Variants in AGBL4 observed in about 807,000 individuals in gnomAD.
AGBL4 encodes the protein cytosolic carboxypeptidase 6.
A neutral mutation model predicts 66.4 loss-of-function variants in AGBL4; 58 were observed. The ratio of observed to expected loss-of-function variants is 0.87; its 90% CI spans 0.71 to 1.09. The LOEUF is 1.09. Among genes scored for constraint, AGBL4 ranks in the 50% least tolerant of loss-of-function variants. The pLI is 0.00. For synonymous variants in AGBL4, 234 were observed against 222.9 expected, an observed-to-expected ratio of 1.05 and a Z score of -0.44; for missense variants, 579 against 631.0, an observed-to-expected ratio of 0.92 and a Z score of 0.88.
intron 2 of AGBL4, among the ~76,000 whole-genome samples, chr1:49,824,659 A>G (rs1188320954): frequency 6.6e-6 from 1 of 152,240 alleles, no homozygotes; most frequent in Non-Finnish European, 1.5e-5. Flanking sequence ...AAGCCAGAGA[A>G]AGAAGGGTAG....
intron 3 of AGBL4, among the ~76,000 whole-genome samples, chr1:49,688,044 A>T (rs1646818952): frequency 1.3e-5 from 2 of 152,204 alleles, no homozygotes; most frequent in Non-Finnish European, 2.9e-5. Context: ...GCATCCCTCA[A>T]GCATTTATCC....
chr1:48,539,831 C>T (rs1644035588), intron 11 of AGBL4, 93 bp from the exon 12 acceptor site: 1 of 792,750 alleles, frequency 1.3e-6, no homozygotes, highest in Non-Finnish European at 1.8e-6. Flanking sequence ...GTAATAAAAA[C>T]AGTTACACAC....
intron 5 of AGBL4, among the ~76,000 whole-genome samples, chr1:48,931,421 T>C (rs1025646227): frequency 2.0e-5 from 3 of 152,206 alleles, no homozygotes; most frequent in Non-Finnish European, 2.9e-5. Context: ...TGTTCAAATG[T>C]GACCTACTTA....
intron 11 of AGBL4, among the ~76,000 whole-genome samples, chr1:48,552,768 C>G (rs900259963): frequency 2.0e-5 from 3 of 151,984 alleles, no homozygotes; most frequent in Non-Finnish European, 4.4e-5. Context: ...GAGAGGTGGG[C>G]AGGATCTTGA....
intron 3 of AGBL4, among the ~76,000 whole-genome samples, chr1:49,353,576 A>C (rs1643954437): frequency 6.6e-6 from 1 of 152,160 alleles, no homozygotes; most frequent in South Asian, 2.1e-4. Flanking sequence ...TACTGGGTAG[A>C]AGAGGGCAGT....
intron 3 of AGBL4, among the ~76,000 whole-genome samples, chr1:49,696,039 CAGGAGAAGCTAAACTCCCT>C (rs1212781607): frequency 3.3e-5 from 5 of 152,040 alleles, no homozygotes; most frequent in African/African-American, 7.2e-5. Flanking sequence ...TAGATTGACT[CAGGAGAAGCTAAACTCCCT>C]AGGAGAAGCT....
At chr1:49,730,799 CATCAT>C (rs1424782790) in intron 2 of AGBL4, among the ~76,000 whole-genome samples, 1 of 152,214 alleles carries the variant, frequency 6.6e-6, no homozygotes, top group African/African-American at 2.4e-5. Flanking sequence ...CAGGCAGAGG[CATCAT>C]CCACCCCGTG....
chr1:49,731,588 CA>C (rs1474733847), intron 2 of AGBL4, among the ~76,000 whole-genome samples: 6 of 152,022 alleles, frequency 3.9e-5, no homozygotes, highest in African/African-American at 1.5e-4. Context: ...AATTAGGCAT[CA>C]AGGGCTTATA....
intron 2 of AGBL4, among the ~76,000 whole-genome samples, chr1:49,758,014 C>G (rs1255418600): frequency 2.6e-5 from 4 of 152,130 alleles, no homozygotes. Flanking sequence ...TGGCCAGGCC[C>G]AGGGCAATCC....
chr1:49,694,831 T>C (rs1406571393), intron 3 of AGBL4, among the ~76,000 whole-genome samples: 2 of 152,112 alleles, frequency 1.3e-5, no homozygotes. Flanking sequence ...CTATCTCAAG[T>C]AGTTTAACTG....
intron 5 of AGBL4, among the ~76,000 whole-genome samples, chr1:48,927,186 G>A (rs1455592169): frequency 6.6e-5 from 10 of 152,216 alleles, no homozygotes; most frequent in South Asian, 2.1e-4. Context: ...TAAAAAAGAC[G>A]TACCTGAGAC....
chr1:49,376,613 A>G (rs1392783352), intron 3 of AGBL4, among the ~76,000 whole-genome samples: 1 of 152,026 alleles, frequency 6.6e-6, no homozygotes, highest in Non-Finnish European at 1.5e-5. Flanking sequence ...ATTTGTAAAC[A>G]GTCTCTTTAT....
intron 2 of AGBL4, among the ~76,000 whole-genome samples, chr1:49,834,335 A>T (rs1419621308): frequency 1.3e-5 from 2 of 152,172 alleles, no homozygotes; most frequent in Non-Finnish European, 2.9e-5. Context: ...CCAGGAATTT[A>T]TCCATTTCTT....
intron 6 of AGBL4, among the ~76,000 whole-genome samples, chr1:48,672,910 G>C (rs1470085595): frequency 6.6e-6 from 1 of 152,172 alleles, no homozygotes; most frequent in East Asian, 1.9e-4. Context: ...GAACCGTTTT[G>C]AGCAGTTACT....
chr1:49,455,986 A>G (rs1646380372), intron 3 of AGBL4, among the ~76,000 whole-genome samples: 1 of 151,756 alleles, frequency 6.6e-6, no homozygotes, highest in Non-Finnish European at 1.5e-5. Context: ...TAATGAGGGC[A>G]AGAACTTTGA....
chr1:49,371,657 T>C (rs896086382), intron 3 of AGBL4, among the ~76,000 whole-genome samples: 9 of 152,274 alleles, frequency 5.9e-5, no homozygotes, highest in Non-Finnish European at 1.3e-4. Context: ...CACCCTTTCC[T>C]GGCCCTCTAG....
intron 2 of AGBL4, among the ~76,000 whole-genome samples, chr1:49,747,108 C>T (rs1056692243): frequency 1.3e-5 from 2 of 152,144 alleles, no homozygotes; most frequent in African/African-American, 4.8e-5. Context: ...CCACTTTATG[C>T]ACACCCTTGA....
intron 3 of AGBL4, among the ~76,000 whole-genome samples, chr1:49,267,679 C>CA (rs899968319): frequency 2.2e-4 from 31 of 143,426 alleles, no homozygotes; most frequent in Non-Finnish European, 2.8e-4. Flanking sequence ...GACTCTGTCC[C>CA]AAAAAAAAAA....
At chr1:49,991,562 T>A (rs1025874778) in intron 1 of AGBL4, among the ~76,000 whole-genome samples, 3 of 152,216 alleles carry the variant, frequency 2.0e-5, no homozygotes, top group Non-Finnish European at 4.4e-5. Context: ...CACACTTTCA[T>A]CAGTTTTATC....
Sources: gnomAD v4.1 joint callset for allele counts (sites outside exome capture counted in the v4.1 genomes callset) on GRCh38, gnomAD v4.1.1 for gene constraint, MANE v1.5 for transcripts, NCBI Gene and HGNC (gene_info 2026-07-23, HGNC 2026-07-21) for gene names.